The following RYR3 variants were observed in gnomAD, a reference collection of about 807,000 sequenced individuals.
RYR3 encodes the protein ryanodine receptor 3.
RYR3 carries 207 observed loss-of-function variants against 584.3 expected under a neutral mutation model. The observed-to-expected ratio is 0.35, with a 90% CI of 0.32 to 0.40. RYR3 has a LOEUF of 0.40. Among genes scored for constraint, RYR3 ranks in the 10% least tolerant of loss-of-function variants. The pLI is 1.00. For synonymous variants in RYR3, 2,416 were observed against 2,248.5 expected, an observed-to-expected ratio of 1.07 and a Z score of -2.11; for missense variants, 5,616 against 6,089.2, an observed-to-expected ratio of 0.92 and a Z score of 2.59.
At chr15:33,779,937 G>C (rs1224790777) in intron 64 of RYR3, among the ~76,000 whole-genome samples, 2 of 152,196 alleles carry the variant, frequency 1.3e-5, no homozygotes, top group Non-Finnish European at 2.9e-5. Context: ...CGTGAACCTG[G>C]GAGGCGGAGC....
At chr15:33,478,454 A>G (rs1023722473) in intron 2 of RYR3, among the ~76,000 whole-genome samples, 1 of 152,330 alleles carries the variant, frequency 6.6e-6, no homozygotes, top group East Asian at 1.9e-4. Context: ...CCCAGCTACA[A>G]GAGTCGCTGC....
intron 86 of RYR3, among the ~76,000 whole-genome samples, chr15:33,832,604 C>A (rs1567271496): frequency 6.7e-6 from 1 of 150,120 alleles, no homozygotes; most frequent in African/African-American, 2.5e-5. Context: ...TTTCAGTGAG[C>A]CGAGATCGCG....
rs191938903 is a variant in RYR3, at chr15:33,351,009, C to T, written c.51+39913C>T. ...AAGGATCAACAAAATTGATAGACCC[C>T]TAGCAAGACTAATAAAGAAAAAAAG... On this transcript the variant is annotated intron_variant, in intron 1 of 103. Transcript: ENST00000634891. 4.5e-3 allele frequency among the ~76,000 whole-genome samples: 690 copies of T among 152,136 alleles called. 4 individuals are homozygous for T. Among genetic ancestry groups the T allele is most frequent in the African/African-American group, 0.016 (657 of 41,490 alleles).
chr15:33,340,889 T>C (rs1372580734), intron 1 of RYR3, among the ~76,000 whole-genome samples: 1 of 152,192 alleles, frequency 6.6e-6, no homozygotes, highest in African/African-American at 2.4e-5. Context: ...ACTTTTCCTG[T>C]ACTCCTGTGT....
At chr15:33,704,071 A>T (rs944275925) in intron 42 of RYR3, among the ~76,000 whole-genome samples, 6 of 152,110 alleles carry the variant, frequency 3.9e-5, no homozygotes, top group Non-Finnish European at 2.9e-5. Flanking sequence ...GGAGTTCAAG[A>T]CCAGTCTGGC....
intron 44 of RYR3, 96 bp from the exon 45 acceptor site, chr15:33,723,969 G>C: frequency 1.5e-6 from 1 of 657,950 alleles, no homozygotes; most frequent in Non-Finnish European, 2.7e-6. Flanking sequence ...TGATATGCAA[G>C]AAGAGCAGAG....
At chr15:33,330,003 A>G (rs1279664985) in intron 1 of RYR3, among the ~76,000 whole-genome samples, 1 of 152,138 alleles carries the variant, frequency 6.6e-6, no homozygotes, top group East Asian at 1.9e-4. Context: ...ATAAGTGCAC[A>G]AACCCTGAGG....
At chr15:33,725,625 ACT>A (rs1349387147) in intron 45 of RYR3, among the ~76,000 whole-genome samples, 1 of 151,528 alleles carries the variant, frequency 6.6e-6, no homozygotes, top group African/African-American at 2.4e-5. Context: ...CATTAATCAA[ACT>A]CTTAGAAATT....
intron 60 of RYR3, among the ~76,000 whole-genome samples, chr15:33,764,686 G>A (rs16957964): frequency 0.022 from 3,415 of 152,052 alleles, 62 homozygotes; most frequent in East Asian, 0.077. Flanking sequence ...TAAACAGGTG[G>A]ACACTGCTTT....
intron 38 of RYR3, among the ~76,000 whole-genome samples, chr15:33,688,235 C>CA (rs1276128435): frequency 1.3e-5 from 2 of 151,788 alleles, no homozygotes; most frequent in East Asian, 1.9e-4. Flanking sequence ...ACAACCCCAT[C>CA]AAAAAAATGG....
chr15:33,378,079 G>A (rs1393378040), intron 1 of RYR3, among the ~76,000 whole-genome samples: 1 of 152,210 alleles, frequency 6.6e-6, no homozygotes, highest in Non-Finnish European at 1.5e-5. Flanking sequence ...ACTGTGCCTG[G>A]CCTGCTGTAA....
At chr15:33,422,556 G>A (rs1232828783) in intron 1 of RYR3, among the ~76,000 whole-genome samples, 1 of 152,174 alleles carries the variant, frequency 6.6e-6, no homozygotes, top group Non-Finnish European at 1.5e-5. Context: ...GGGAAGGCTT[G>A]ATCATGGATT....
At chr15:33,586,868 A>G (rs1383678707) in intron 16 of RYR3, among the ~76,000 whole-genome samples, 1 of 152,164 alleles carries the variant, frequency 6.6e-6, no homozygotes, top group Non-Finnish European at 1.5e-5. Context: ...CACGGGGACT[A>G]TCGTGCTAAT....
intron 32 of RYR3, among the ~76,000 whole-genome samples, chr15:33,653,369 T>G (rs929938613): frequency 6.6e-6 from 1 of 152,188 alleles, no homozygotes; most frequent in Non-Finnish European, 1.5e-5. Context: ...CCTCATAAGA[T>G]GCTTTAAAAA....
At chr15:33,679,477 C>T (rs2064430468) in intron 38 of RYR3, among the ~76,000 whole-genome samples, 1 of 152,110 alleles carries the variant, frequency 6.6e-6, no homozygotes, top group Non-Finnish European at 1.5e-5. Flanking sequence ...ATTCTTGATG[C>T]TCATTAATTT....
At chr15:33,702,408 A>G (rs1286606960) in intron 42 of RYR3, among the ~76,000 whole-genome samples, 1 of 152,200 alleles carries the variant, frequency 6.6e-6, no homozygotes, top group Non-Finnish European at 1.5e-5. Flanking sequence ...TTCAATTAAT[A>G]TTGATGCAGT....
rs182161736 is a variant in RYR3, at chr15:33,348,340, T to C, written c.51+37244T>C. On this transcript the variant is annotated intron_variant, in intron 1 of 103. Transcript: ENST00000634891. Reference sequence around the variant, plus strand: ...TGTAGTCTTACAGACTTCATTCATTTCCAGAGTTACTTAGGTTGGCATCTT... The same window carrying C: ...TGTAGTCTTACAGACTTCATTCATTCCCAGAGTTACTTAGGTTGGCATCTT... Among the ~76,000 whole-genome samples the C allele has an allele frequency of 7.0e-3, 1,072 of 152,324 alleles. 9 individuals carry two copies. The highest frequency in any genetic ancestry group is 0.03 in the Admixed American group (453 of 15,296).
chr15:33,471,432 A>G (rs1349966507), intron 1 of RYR3, among the ~76,000 whole-genome samples: 3 of 152,068 alleles, frequency 2.0e-5, no homozygotes, highest in African/African-American at 7.2e-5. Context: ...GGATGGGGAA[A>G]TTTCAGAAGA....
intron 91 of RYR3, among the ~76,000 whole-genome samples, 190 bp from the exon 92 acceptor site, chr15:33,843,298 G>C (rs570926977): frequency 6.6e-6 from 1 of 151,614 alleles, no homozygotes; most frequent in Non-Finnish European, 1.5e-5. Context: ...CCAGCCTGGG[G>C]GACAGAGCGA....
Sources: gnomAD v4.1 joint callset for allele counts (sites outside exome capture counted in the v4.1 genomes callset) on GRCh38, gnomAD v4.1.1 for gene constraint, MANE v1.5 for transcripts, NCBI Gene and HGNC (gene_info 2026-07-23, HGNC 2026-07-21) for gene names.